Variants in NIBAN1 observed in about 807,000 individuals in gnomAD.
NIBAN1 encodes the protein niban apoptosis regulator 1.
NIBAN1 carries 81 observed loss-of-function variants against 75.1 expected under a neutral mutation model. That is an observed-to-expected ratio of 1.08 (90% CI 0.90 to 1.30). The LOEUF (loss-of-function observed/expected upper bound fraction) is 1.30. Ranked by LOEUF, NIBAN1 falls within the 50% of genes most tolerant of loss-of-function variation. The pLI, the probability that NIBAN1 is intolerant of heterozygous loss-of-function variation, is 0.00. For synonymous variants in NIBAN1, 436 were observed against 424.8 expected (o/e 1.03, Z -0.32); for missense variants, 1,133 against 1,128.1 (o/e 1.00, Z -0.06).
intron 1 of NIBAN1, among the ~76,000 whole-genome samples, chr1:184,934,261 T>C (rs1657897511): frequency 6.6e-6 from 1 of 152,090 alleles, no homozygotes. Flanking sequence ...AAGTGGGAAG[T>C]AAACATTGAG....
intron 5 of NIBAN1, among the ~76,000 whole-genome samples, chr1:184,872,522 A>G (rs1182872885): frequency 1.3e-5 from 2 of 152,198 alleles, no homozygotes; most frequent in African/African-American, 2.4e-5. Context: ...CCTGACCAAC[A>G]TGGTGAAACC....
At chr1:184,830,623 G>C (rs950612175) in intron 6 of NIBAN1, among the ~76,000 whole-genome samples, 31 of 152,094 alleles carry the variant, frequency 2.0e-4, no homozygotes, top group Non-Finnish European at 4.4e-5. Flanking sequence ...CAGAGGCAAG[G>C]CACCATTCAG....
intron 9 of NIBAN1, among the ~76,000 whole-genome samples, chr1:184,815,805 C>A (rs1206461275): frequency 6.6e-6 from 1 of 152,200 alleles, no homozygotes; most frequent in African/African-American, 2.4e-5. Context: ...TTAAAGAGAA[C>A]ACTGCCAGGA....
intron 1 of NIBAN1, among the ~76,000 whole-genome samples, chr1:184,955,910 T>C (rs72739648): frequency 0.14 from 21,004 of 152,054 alleles, 1,730 homozygotes; most frequent in East Asian, 0.35. Context: ...ACCCACATAA[T>C]CCTCCACTGT....
intron 1 of NIBAN1, among the ~76,000 whole-genome samples, chr1:184,959,971 A>G (rs2102076689): frequency 6.6e-6 from 1 of 152,244 alleles, no homozygotes; most frequent in East Asian, 1.9e-4. Context: ...GTTTTCTGGG[A>G]CTTCTGTTAG....
Position 184,974,330 on chromosome 1 carries a change from C to A in NIBAN1, c.27G>T (p.Leu9=). 6.4e-7 allele frequency: 1 copy of A among 1,567,360 alleles called. No homozygotes were observed. Among genetic ancestry groups the A allele is most frequent in the East Asian group, 2.4e-5 (1 of 42,148 alleles). ...GGATGTAAGCGCACTTGCCCTCGTC[C>A]AGCTGGCTGGAGGCTGAGCCGCCCA... is the stretch of plus-strand genomic sequence containing the variant. MGGSASSQ[L]DEGKCAYIRG... Residue 9 remains leucine (L), a synonymous_variant, in exon 1 of 14, where the codon CTG becomes CTT. Coordinates refer to ENST00000367511, the MANE Select transcript of NIBAN1 (RefSeq NM_052966.4).
chr1:184,925,025 C>A (rs1266253101), intron 1 of NIBAN1, among the ~76,000 whole-genome samples: 1 of 151,766 alleles, frequency 6.6e-6, no homozygotes, highest in East Asian at 1.9e-4. Flanking sequence ...TCATTTATTT[C>A]TGCTCCAATC....
intron 1 of NIBAN1, among the ~76,000 whole-genome samples, chr1:184,949,202 C>CA (rs1312734038): frequency 6.6e-5 from 10 of 151,902 alleles, no homozygotes; most frequent in Non-Finnish European, 1.5e-4. Context: ...GAAAAAAATA[C>CA]AAAAAATTAG....
intron 5 of NIBAN1, among the ~76,000 whole-genome samples, chr1:184,874,916 G>A (rs1213627721): frequency 6.6e-6 from 1 of 151,970 alleles, no homozygotes; most frequent in Non-Finnish European, 1.5e-5. Flanking sequence ...TATAAAAATT[G>A]ACCATATGCA....
chr1:184,900,808 G>T (rs1027311852), intron 1 of NIBAN1, among the ~76,000 whole-genome samples: 2 of 152,296 alleles, frequency 1.3e-5, no homozygotes, highest in African/African-American at 4.8e-5. Context: ...GCTCGTAAGC[G>T]ATGAGTCCGC....
At chr1:184,899,411 T>A (rs1656887805) in intron 1 of NIBAN1, 102 bp from the exon 2 acceptor site, 2 of 1,213,440 alleles carry the variant, frequency 1.6e-6, no homozygotes, top group South Asian at 2.7e-5. Context: ...TTTCTATCCC[T>A]CCAGTCACCC....
chr1:184,871,347 CAAAAAAAA>C (rs10658216), intron 5 of NIBAN1, among the ~76,000 whole-genome samples: 12 of 34,620 alleles, frequency 3.5e-4, no homozygotes, highest in East Asian at 5.1e-3. Context: ...AACTCTATCT[CAAAAAAAA>C]AAAAAAAAAA....
At chr1:184,856,254 T>C (rs934047652) in intron 5 of NIBAN1, among the ~76,000 whole-genome samples, 2 of 152,208 alleles carry the variant, frequency 1.3e-5, no homozygotes, top group African/African-American at 4.8e-5. Context: ...TGGGCTTAGA[T>C]TTTTAAAATA....
At chr1:184,808,015 A>C in intron 10 of NIBAN1, 59 bp downstream of exon 10, 4 of 1,594,454 alleles carry the variant, frequency 2.5e-6, no homozygotes, top group Non-Finnish European at 3.4e-6. Flanking sequence ...ACTGGCCAGC[A>C]CCCATTTCTC....
At chr1:184,872,398 A>T (rs1298356733) in intron 5 of NIBAN1, among the ~76,000 whole-genome samples, 2 of 152,098 alleles carry the variant, frequency 1.3e-5, no homozygotes, top group Non-Finnish European at 2.9e-5. Context: ...AAAGATAGAA[A>T]ATATAAAATT....
At chr1:184,967,364 C>T (rs1658822763) in intron 1 of NIBAN1, among the ~76,000 whole-genome samples, 2 of 152,096 alleles carry the variant, frequency 1.3e-5, no homozygotes, top group South Asian at 4.1e-4. Context: ...CTTCTGACTT[C>T]ATTTCCCATT....
At chr1:184,896,121 T>C (rs1402459870) in intron 2 of NIBAN1, among the ~76,000 whole-genome samples, 1 of 152,170 alleles carries the variant, frequency 6.6e-6, no homozygotes, top group Non-Finnish European at 1.5e-5. Context: ...TTTTAGTTAT[T>C]TGTGATATCT....
At chr1:184,811,850 G>A (rs978096391) in intron 9 of NIBAN1, among the ~76,000 whole-genome samples, 5 of 152,120 alleles carry the variant, frequency 3.3e-5, no homozygotes, top group African/African-American at 9.7e-5. Flanking sequence ...GGCTAGGAAC[G>A]GTTTTGGCAC....
chr1:184,791,513 A>G lies in NIBAN1; in HGVS notation c.*3464T>C, dbSNP rs1653695810. The G allele has an allele frequency of 6.6e-6, 1 of 151,154 alleles. No individual in the cohort carries two copies. Among genetic ancestry groups the G allele is most frequent in the Admixed American group, 6.6e-5 (1 of 15,184 alleles). The allele number at this position is 151,154 out of a possible 1,614,324, so 9.4% of individuals were successfully genotyped here. ...ATCTTTTTTTTTTTTTTTTAAAGAA[A>G]GTTTACTATGTGTAATGCAAGGCAC... On this transcript the variant is annotated 3_prime_UTR_variant, in exon 14 of 14. Transcript: ENST00000367511.
Sources: gnomAD v4.1 joint callset for allele counts (sites outside exome capture counted in the v4.1 genomes callset) on GRCh38, gnomAD v4.1.1 for gene constraint, MANE v1.5 for transcripts, NCBI Gene and HGNC (gene_info 2026-07-23, HGNC 2026-07-21) for gene names.